The following QTGAL variants were observed in gnomAD, a reference collection of about 807,000 sequenced individuals.
The protein encoded by QTGAL is BGnT-like protein 1.
the QTGAL span, chr17:83,048,614 A>C: frequency 2.7e-5 from 43 of 1,605,784 alleles, no homozygotes; most frequent in Non-Finnish European, 3.6e-5. Context: ...CCCTCCGAAC[A>C]GTCAACCGTT....
the QTGAL span, among the ~76,000 whole-genome samples, chr17:83,029,280 A>T: frequency 2.7e-3 from 406 of 152,376 alleles, 2 homozygotes; most frequent in African/African-American, 9.4e-3. Flanking sequence ...AACAACGCGG[A>T]TGGACCTTAA....
the QTGAL span, among the ~76,000 whole-genome samples, chr17:82,950,967 C>G: frequency 6.6e-6 from 1 of 152,166 alleles, no homozygotes; most frequent in African/African-American, 2.4e-5. Flanking sequence ...CTCAGAATGG[C>G]GACCACTGCC....
the QTGAL span, chr17:82,956,804 C>T: frequency 6.4e-7 from 1 of 1,556,566 alleles, no homozygotes; most frequent in Non-Finnish European, 8.7e-7. This position sits in a 1 kb window ranked among gnomAD's most constrained non-coding sequence, Gnocchi z 5.7. Context: ...CCTGCCCGAG[C>T]CTGGAGCTTG....
chr17:83,005,088 C>T, the QTGAL span: 2 of 1,570,676 alleles, frequency 1.3e-6, no homozygotes, highest in Non-Finnish European at 1.7e-6. This position sits in a 1 kb window ranked among gnomAD's most constrained non-coding sequence, Gnocchi z 5.6. Context: ...TGTGCACCTG[C>T]CCCAGACAAG....
the QTGAL span, chr17:82,946,953 G>T: frequency 6.4e-7 from 1 of 1,569,822 alleles, no homozygotes; most frequent in South Asian, 1.2e-5. Context: ...AGTGACCTCA[G>T]GTTGTCCTCA....
At chr17:83,019,713 G>C in the QTGAL span, among the ~76,000 whole-genome samples, 2 of 152,274 alleles carry the variant, frequency 1.3e-5, no homozygotes, top group Middle Eastern at 3.4e-3. Context: ...AAAACTAAAA[G>C]ACAAACTTGA....
At chr17:82,996,827 A>G in the QTGAL span, among the ~76,000 whole-genome samples, 2 of 152,216 alleles carry the variant, frequency 1.3e-5, no homozygotes, top group Non-Finnish European at 2.9e-5. Flanking sequence ...TGGTGTTGGG[A>G]AAACTGGATA....
the QTGAL span, among the ~76,000 whole-genome samples, chr17:83,032,625 G>T: frequency 6.6e-6 from 1 of 152,260 alleles, no homozygotes; most frequent in Non-Finnish European, 1.5e-5. Flanking sequence ...GGGTTGAGCT[G>T]TCCTTGGTGG....
the QTGAL span, among the ~76,000 whole-genome samples, chr17:83,027,699 C>CAAAAAAAAAAAAAA: frequency 3.2e-5 from 1 of 31,520 alleles, no homozygotes; most frequent in Non-Finnish European, 6.4e-5. Flanking sequence ...GAGACGCTCT[C>CAAAAAAAAAAAAAA]AAAAAAAAAA....
At chr17:83,014,792 G>A in the QTGAL span, among the ~76,000 whole-genome samples, 2 of 152,246 alleles carry the variant, frequency 1.3e-5, no homozygotes, top group African/African-American at 4.8e-5. Context: ...CAATCCAACA[G>A]CAAAACAGGC....
At chr17:82,998,329 C>A in the QTGAL span, among the ~76,000 whole-genome samples, 1,390 of 152,172 alleles carry the variant, frequency 9.1e-3, 25 homozygotes, top group African/African-American at 0.031. Context: ...TGAATTTCAT[C>A]AAAAATTACA....
chr17:83,044,525 C>A, the QTGAL span, among the ~76,000 whole-genome samples: 1 of 152,178 alleles, frequency 6.6e-6, no homozygotes, highest in Non-Finnish European at 1.5e-5. Context: ...CTACAGCTAA[C>A]GTCATATTCA....
chr17:83,035,106 A>G, the QTGAL span: 74 of 1,609,330 alleles, frequency 4.6e-5, no homozygotes, highest in African/African-American at 9.5e-4. Context: ...CCGACTGTGG[A>G]AAAAAGAAGA....
chr17:83,048,730 G>A, the QTGAL span: 1 of 1,614,176 alleles, frequency 6.2e-7, no homozygotes, highest in African/African-American at 1.3e-5. Context: ...TTGCAAAACA[G>A]ACCTCAAACA....
chr17:82,995,990 A>C, the QTGAL span, among the ~76,000 whole-genome samples: 1 of 152,230 alleles, frequency 6.6e-6, no homozygotes, highest in Non-Finnish European at 1.5e-5. Context: ...TCTCATTTAC[A>C]ACAGTGATAA....
chr17:82,970,592 G>GGCGTGGCCGCGACCTCCC, the QTGAL span, among the ~76,000 whole-genome samples: 3,884 of 59,292 alleles, frequency 0.066, 584 homozygotes, highest in Middle Eastern at 0.1. Context: ...CGCGACCTCC[G>GGCGTGGCCGCGACCTCCC]CACCCGGCGT....
At chr17:83,022,192 T>C in the QTGAL span, among the ~76,000 whole-genome samples, 26,315 of 145,768 alleles carry the variant, frequency 0.18, 2,656 homozygotes, top group Non-Finnish European at 0.22. Context: ...AGTGATAAAA[T>C]GGTCATTATC....
At chr17:82,967,301 C>T in the QTGAL span, among the ~76,000 whole-genome samples, 5 of 152,198 alleles carry the variant, frequency 3.3e-5, no homozygotes, top group African/African-American at 4.8e-5. Flanking sequence ...AGCATCTGTA[C>T]GTTCCTGGAG....
At chr17:82,959,761 C>T in the QTGAL span, among the ~76,000 whole-genome samples, 9 of 152,140 alleles carry the variant, frequency 5.9e-5, no homozygotes, top group Admixed American at 3.3e-4. Context: ...CCGGCCTCCT[C>T]GACGGCCCCT....
Sources: gnomAD v4.1 joint callset for allele counts (sites outside exome capture counted in the v4.1 genomes callset) on GRCh38, gnomAD v4.1.1 for gene constraint, Gnocchi (gnomAD v3.1) non-coding constraint, MANE v1.5 for transcripts, NCBI Gene and HGNC (gene_info 2026-07-23, HGNC 2026-07-21) for gene names.